MTFMT: variants seen among roughly 807,000 people sequenced by gnomAD.
The protein encoded by MTFMT is methionyl-tRNA formyltransferase, mitochondrial.
Under a neutral mutation model 51.8 loss-of-function variants are expected in MTFMT, and 47 were observed. The ratio of observed to expected loss-of-function variants is 0.91; its 90% CI spans 0.72 to 1.16. The LOEUF is 1.16. Among genes scored for constraint, MTFMT ranks in the 50% most tolerant of loss-of-function variants. The pLI is 0.00. For synonymous variants in MTFMT, 196 were observed against 176.7 expected, an observed-to-expected ratio of 1.11 and a Z score of -0.87; for missense variants, 512 against 482.3, an observed-to-expected ratio of 1.06 and a Z score of -0.58.
intron 5 of MTFMT, among the ~76,000 whole-genome samples, chr15:65,016,782 C>CTTTT (rs35437034): frequency 7.1e-6 from 1 of 141,646 alleles, no homozygotes; most frequent in South Asian, 2.3e-4. Flanking sequence ...ACTATTCAAA[C>CTTTT]TTTTTTTTTT....
chr15:65,019,068 A>C (rs1198259478), intron 5 of MTFMT, among the ~76,000 whole-genome samples: 3 of 152,236 alleles, frequency 2.0e-5, no homozygotes, highest in Non-Finnish European at 4.4e-5. Context: ...ATCTGTACTA[A>C]AACCATCATG....
At position 65,003,193 on chromosome 15, in the gene MTFMT, T is replaced by G. The variant is rs1382994913; in HGVS notation, c.1039A>C (p.Asn347His). Residue 347 changes from asparagine to histidine, a missense_variant, in exon 9 of 9, where the codon AAT becomes CAT. By Grantham distance (68) the Asn-to-His change is moderately conservative (BLOSUM62 1). Coordinates refer to ENST00000220058, the MANE Select transcript of MTFMT (RefSeq NM_139242.4). ...TGGTACCAGGGGTGCAAATATCCAT[T>G]GTAGAAGTCAGTAGCTGTTAGTGAT... ...KKSLTATDFY[N>H]GYLHPWYQKN... 6.2e-7 allele frequency: 1 copy of G among 1,613,838 alleles called. No homozygotes were observed. The highest frequency in any genetic ancestry group is 2.2e-5 in the East Asian group (1 of 44,858).
In MTFMT at chr15:65,021,430, A is replaced by T; in HGVS notation, c.645+84T>A. On this transcript the variant is annotated intron_variant, in intron 4 of 8. Coordinates refer to ENST00000220058, the MANE Select transcript of MTFMT (RefSeq NM_139242.4). ...CTTTTTTGTTTTTAAGAAAATTAGA[A>T]GTCACAAAATTGTTCTTCTTTTTAT... The T allele has an allele frequency of 3.1e-6, 3 of 979,150 alleles. No homozygotes were observed. The Admixed American group carries it at 6.1e-5, about 20-fold the overall frequency. 60.7% of individuals were successfully genotyped at this position (979,150 alleles called of 1,614,324 possible).
At chr15:65,028,844 T>C (rs2086452593) in intron 1 of MTFMT, among the ~76,000 whole-genome samples, 1 of 151,964 alleles carries the variant, frequency 6.6e-6, no homozygotes, top group Admixed American at 6.5e-5. Context: ...TACCTAACAG[T>C]TCTGATTTAT....
At chr15:65,026,617 C>T in intron 2 of MTFMT, 1 of 528,468 alleles carries the variant, frequency 1.9e-6, no homozygotes, top group South Asian at 2.6e-5. Context: ...TGGGTTTAAA[C>T]AATATAAACT....
chr15:65,010,733 T>G (rs2140477185), intron 6 of MTFMT, among the ~76,000 whole-genome samples: 1 of 152,292 alleles, frequency 6.6e-6, no homozygotes, highest in African/African-American at 2.4e-5. Flanking sequence ...GGAAAGGAAA[T>G]GCTGGGTCAT....
chr15:65,004,342 C>T (rs2086205045), intron 8 of MTFMT, among the ~76,000 whole-genome samples: 1 of 152,098 alleles, frequency 6.6e-6, no homozygotes, highest in African/African-American at 2.4e-5. Context: ...TGAAATATCT[C>T]ACATGAACAC....
At chr15:65,029,262 C>T in intron 1 of MTFMT, 143 bp downstream of exon 1, 2 of 1,286,332 alleles carry the variant, frequency 1.6e-6, no homozygotes, top group African/African-American at 1.6e-5. Context: ...CTTCTGGGAG[C>T]CAGAAGACGC....
intron 2 of MTFMT, among the ~76,000 whole-genome samples, chr15:65,024,635 A>G (rs577398289): frequency 1.8e-4 from 28 of 151,772 alleles, no homozygotes; most frequent in Non-Finnish European, 7.4e-5. Context: ...CACTGAGCGC[A>G]CTCCATGTGC....
chr15:65,022,447 C>T lies in MTFMT; in HGVS notation c.543-831G>A, dbSNP rs371764873. On this transcript the variant is annotated intron_variant, in intron 3 of 8. Coordinates refer to ENST00000220058, the MANE Select transcript of MTFMT (RefSeq NM_139242.4). ...CAGCCGGGGTGACAGAGTGAGACCC[C>T]GTCTCAAGAAAAAAAAAAAAAAGTA... Among the ~76,000 whole-genome samples the T allele has an allele frequency of 2.8e-3, 416 of 149,956 alleles. 3 individuals carry two copies. Among genetic ancestry groups the T allele is most frequent in the African/African-American group, 8.6e-3 (352 of 40,776 alleles).
rs750307221 is a variant in MTFMT, at chr15:65,003,234, G to C, written c.998C>G (p.Ser333Ter). The change falls in exon 9 of 9, where the codon TCA becomes TGA. Residue 333 changes from serine to a stop codon, truncating the protein, a stop_gained. Transcript: ENST00000220058. LOFTEE classifies it high-confidence loss of function. ...TGTTAGTGATTTCTTGAGCATCACTGATCGAACACCAATCCAACCATCCTA... is the reference window on the plus strand; with the variant it reads ...TGTTAGTGATTTCTTGAGCATCACTCATCGAACACCAATCCAACCATCCTA... ...YCKDGWIGVR[S>*]VMLKKSLTAT... 8.1e-6 allele frequency: 13 copies of C among 1,612,918 alleles called. No individual in the cohort carries two copies. Among genetic ancestry groups the C allele is most frequent in the African/African-American group, 2.7e-5 (2 of 74,872 alleles).
intron 2 of MTFMT, among the ~76,000 whole-genome samples, chr15:65,025,286 T>TCTCAGC (rs1166075593): frequency 6.7e-6 from 1 of 149,538 alleles, no homozygotes; most frequent in Non-Finnish European, 1.5e-5. Context: ...ATTCCTATAG[T>TCTCAGC]CTCAGCTACT....
chr15:65,026,780 T>C (rs2086428036), intron 2 of MTFMT, 51 bp downstream of exon 2: 1 of 1,424,860 alleles, frequency 7.0e-7, no homozygotes, highest in Non-Finnish European at 9.7e-7. Flanking sequence ...ACAAGGTCCA[T>C]TTATAAAGAC....
chr15:65,027,010 T>C lies in MTFMT; in HGVS notation c.240A>G (p.Lys80=), dbSNP rs1171209755. 3 of 1,613,930 alleles carry C rather than the reference T, an allele frequency of 1.9e-6. No homozygotes were observed. The highest frequency in any genetic ancestry group is 2.5e-6 in the Non-Finnish European group (3 of 1,179,860). The change falls in exon 2 of 9, where the codon AAA becomes AAG. Residue 80 remains lysine (K), a synonymous_variant. Coordinates refer to ENST00000220058, the MANE Select transcript of MTFMT (RefSeq NM_139242.4). ...GGGAAGGCATTGTGACCACCTCCAG[T>C]TTGTCGATTAACTCTTCTTCTTTGT... The part of the protein sequence containing the change: ...RENKEEELID[K]LEVVTMPSPS...
intron 8 of MTFMT, among the ~76,000 whole-genome samples, chr15:65,004,178 G>A (rs977583031): frequency 6.6e-6 from 1 of 151,888 alleles, no homozygotes; most frequent in Admixed American, 6.6e-5. Flanking sequence ...CACCACGCTC[G>A]ACTAATTTTT....
chr15:65,021,706 A>C, intron 3 of MTFMT, 90 bp from the exon 4 acceptor site: 6 of 1,030,990 alleles, frequency 5.8e-6, no homozygotes, highest in Non-Finnish European at 8.6e-6. Flanking sequence ...AGCTGGGTAC[A>C]GTGGTCTGCA....
In MTFMT at chr15:65,012,078, A is replaced by G. The variant is rs150304373; in HGVS notation, c.813+4358T>C. 4.5e-3 allele frequency among the ~76,000 whole-genome samples: 591 copies of G among 131,782 alleles called. 2 individuals carry two copies. Among genetic ancestry groups the G allele is most frequent in the African/African-American group, 0.016 (567 of 34,444 alleles). The allele number at this position is 131,782 out of a possible 152,430, so 86.5% of individuals were successfully genotyped here. ...GTGGACATCCAGTTATCCCAGCTCC[A>G]TTTATTGAGAATACTATTCTTTCTC... On this transcript the variant is annotated intron_variant, in intron 6 of 8. Coordinates refer to ENST00000220058, the MANE Select transcript of MTFMT (RefSeq NM_139242.4).
chr15:65,025,239 A>AT, intron 2 of MTFMT, among the ~76,000 whole-genome samples: 1 of 151,164 alleles, frequency 6.6e-6, no homozygotes, highest in East Asian at 1.9e-4. Flanking sequence ...CTAAAAAAAA[A>AT]AAAAAAAAAA....
Position 65,001,974 on chromosome 15 carries a change from T to C in MTFMT, c.*1088A>G, listed in dbSNP as rs1285198865. 2 of 152,196 alleles carry C rather than the reference T, an allele frequency of 1.3e-5. No homozygotes were observed. The highest frequency in any genetic ancestry group is 6.5e-5 in the Admixed American group (1 of 15,268). The allele number at this position is 152,196 out of a possible 1,614,324, so 9.4% of individuals were successfully genotyped here. ...TACCTACGTTTACTACTTGGTTAAA[T>C]CTAGCTGGTAGTGAAATGTAAAGAG... On this transcript the variant is annotated 3_prime_UTR_variant, in exon 9 of 9. Transcript: ENST00000220058.
Sources: allele counts gnomAD v4.1 joint callset (sites outside exome capture counted in the v4.1 genomes callset), GRCh38; gene constraint gnomAD v4.1.1; transcripts MANE v1.5; gene names NCBI Gene and HGNC (gene_info 2026-07-23, HGNC 2026-07-21).